CNTN5: variants seen among roughly 807,000 people sequenced by gnomAD.
The protein encoded by CNTN5 is contactin-5.
Under a neutral mutation model 129.1 loss-of-function variants are expected in CNTN5, and 77 were observed. The ratio of observed to expected loss-of-function variants is 0.60; its 90% CI spans 0.50 to 0.72. CNTN5 has a LOEUF of 0.72. Ranked by LOEUF, CNTN5 falls within the 30% of genes least tolerant of loss-of-function variation. The probability of loss-of-function intolerance (pLI) is 0.00; values close to 1 mark genes in which losing one functional copy is unlikely to be tolerated. For missense variants in CNTN5, 1,478 were observed against 1,328.8 expected (o/e 1.11, Z -1.75); for synonymous variants, 509 against 465.6 (o/e 1.09, Z -1.20).
intron 7 of CNTN5, among the ~76,000 whole-genome samples, chr11:99,916,612 A>G (rs1565674511): frequency 6.6e-6 from 1 of 152,180 alleles, no homozygotes; most frequent in Non-Finnish European, 1.5e-5. Flanking sequence ...AGTTTCAAAC[A>G]AAACTGCAAT....
At chr11:100,156,588 TC>T (rs1947251209) in intron 13 of CNTN5, among the ~76,000 whole-genome samples, 1 of 152,254 alleles carries the variant, frequency 6.6e-6, no homozygotes, top group Non-Finnish European at 1.5e-5. Context: ...TACCAGCTCC[TC>T]TTTGTACCTC....
chr11:99,035,288 G>T (rs577829542), intron 1 of CNTN5, among the ~76,000 whole-genome samples: 1 of 149,324 alleles, frequency 6.7e-6, no homozygotes, highest in East Asian at 2.0e-4. Context: ...TATTAGGTCC[G>T]CTTGGTGCAG....
chr11:99,940,772 C>T (rs1305828852), intron 7 of CNTN5, among the ~76,000 whole-genome samples: 1 of 151,604 alleles, frequency 6.6e-6, no homozygotes, highest in Admixed American at 6.6e-5. Context: ...CAAAGATCTA[C>T]CACTGGAAAA....
chr11:100,129,422 C>T (rs997482533), intron 13 of CNTN5, among the ~76,000 whole-genome samples: 1 of 152,028 alleles, frequency 6.6e-6, no homozygotes, highest in Admixed American at 6.6e-5. Flanking sequence ...TCTATGCTTC[C>T]ATTTTTACAC....
At chr11:100,097,251 G>C (rs1256762693) in intron 13 of CNTN5, among the ~76,000 whole-genome samples, 1 of 152,014 alleles carries the variant, frequency 6.6e-6, no homozygotes, top group East Asian at 1.9e-4. Context: ...ATTCAATCTA[G>C]CTTCCTCATT....
chr11:100,120,457 G>C (rs117886403), intron 13 of CNTN5, among the ~76,000 whole-genome samples: 4,902 of 151,750 alleles, frequency 0.032, 146 homozygotes, highest in Non-Finnish European at 0.045. Context: ...AGCTGTATTA[G>C]TATAGTCAAG....
intron 1 of CNTN5, among the ~76,000 whole-genome samples, chr11:99,086,195 C>T (rs920430396): frequency 2.6e-5 from 4 of 152,220 alleles, no homozygotes; most frequent in African/African-American, 7.2e-5. Flanking sequence ...GCTGGAGCCT[C>T]TCCCAGCAGC....
intron 9 of CNTN5, among the ~76,000 whole-genome samples, chr11:100,016,997 A>G (rs1940858099): frequency 6.6e-6 from 1 of 151,900 alleles, no homozygotes; most frequent in South Asian, 2.1e-4. Flanking sequence ...ATAGTCGATG[A>G]GAACATATGT....
intron 2 of CNTN5, among the ~76,000 whole-genome samples, chr11:99,464,536 TG>T (rs1944859457): frequency 6.6e-6 from 1 of 152,196 alleles, no homozygotes; most frequent in South Asian, 2.1e-4. Context: ...ATTATGGCTA[TG>T]ACTTCTTGGT....
intron 3 of CNTN5, among the ~76,000 whole-genome samples, chr11:99,735,667 G>A (rs1943681100): frequency 6.6e-6 from 1 of 152,118 alleles, no homozygotes; most frequent in African/African-American, 2.4e-5. Context: ...TCTTTACTGA[G>A]GTATAATTGA....
At chr11:100,334,378 C>T (rs1468743009) in intron 21 of CNTN5, among the ~76,000 whole-genome samples, 1 of 152,068 alleles carries the variant, frequency 6.6e-6, no homozygotes, top group Non-Finnish European at 1.5e-5. Context: ...GTGGAGATTC[C>T]TTAAAGGACT....
At chr11:99,592,776 A>G (rs1400449140) in intron 3 of CNTN5, among the ~76,000 whole-genome samples, 1 of 152,192 alleles carries the variant, frequency 6.6e-6, no homozygotes, top group Non-Finnish European at 1.5e-5. Context: ...TTTCAAAAGC[A>G]GAAGGATTGT....
chr11:99,024,672 C>T (rs545069262), intron 1 of CNTN5, among the ~76,000 whole-genome samples: 7 of 152,062 alleles, frequency 4.6e-5, no homozygotes, highest in South Asian at 2.1e-4. Flanking sequence ...TAAGCTCATA[C>T]GTGTTACAAA....
At chr11:99,170,412 G>T (rs1861093776) in intron 1 of CNTN5, among the ~76,000 whole-genome samples, 1 of 152,110 alleles carries the variant, frequency 6.6e-6, no homozygotes, top group South Asian at 2.1e-4. Flanking sequence ...TTTGTAATTT[G>T]CAAGATGTCT....
chr11:100,120,938 C>G (rs917154402), intron 13 of CNTN5, among the ~76,000 whole-genome samples: 6 of 151,580 alleles, frequency 4.0e-5, no homozygotes, highest in African/African-American at 1.5e-4. Flanking sequence ...TTTCAACAAA[C>G]ATTTTATTTT....
At chr11:100,213,431 T>C (rs558467317) in intron 15 of CNTN5, among the ~76,000 whole-genome samples, 1 of 152,192 alleles carries the variant, frequency 6.6e-6, no homozygotes, top group Non-Finnish European at 1.5e-5. Context: ...CAATGAGCAG[T>C]AGTAGAATAT....
intron 2 of CNTN5, among the ~76,000 whole-genome samples, chr11:99,354,058 G>T (rs1433126904): frequency 6.6e-6 from 1 of 152,122 alleles, no homozygotes; most frequent in Non-Finnish European, 1.5e-5. Flanking sequence ...AGCAATCTTA[G>T]CGCATCCTAA....
chr11:99,097,773 A>G (rs890438961), intron 1 of CNTN5, among the ~76,000 whole-genome samples: 1 of 151,896 alleles, frequency 6.6e-6, no homozygotes, highest in African/African-American at 2.4e-5. Flanking sequence ...TTAAATGCTA[A>G]TGTCTTTCCT....
At chr11:99,198,508 A>C (rs1278020951) in intron 1 of CNTN5, among the ~76,000 whole-genome samples, 2 of 152,132 alleles carry the variant, frequency 1.3e-5, no homozygotes, top group East Asian at 3.8e-4. Flanking sequence ...TGGGTGCTCT[A>C]ACCACGTTCA....
Sources: gnomAD v4.1 joint callset for allele counts (sites outside exome capture counted in the v4.1 genomes callset) on GRCh38, gnomAD v4.1.1 for gene constraint, MANE v1.5 for transcripts, NCBI Gene and HGNC (gene_info 2026-07-23, HGNC 2026-07-21) for gene names.